GLRA1: variants seen among roughly 807,000 people sequenced by gnomAD.
GLRA1 encodes the protein glycine receptor subunit alpha-1.
GLRA1 carries 37 observed loss-of-function variants against 48.3 expected under a neutral mutation model. The ratio of observed to expected loss-of-function variants is 0.77; its 90% confidence interval spans 0.59 to 1.01. The LOEUF is 1.01. Among genes scored for constraint, GLRA1 ranks in the 50% least tolerant of loss-of-function variants. The pLI, the probability that GLRA1 is intolerant of heterozygous loss-of-function variation, is 0.00. For missense variants in GLRA1, 427 were observed against 571.0 expected (o/e 0.75, Z 2.57); for synonymous variants, 196 against 210.7 (o/e 0.93, Z 0.60).
intron 1 of GLRA1, among the ~76,000 whole-genome samples, chr5:151,893,348 CTTT>C (rs1561575152): frequency 2.1e-5 from 3 of 143,810 alleles, no homozygotes; most frequent in East Asian, 4.0e-4. Flanking sequence ...TTCTTTCTTT[CTTT>C]CTTTCTTTCA....
At chr5:151,898,862 C>T (rs1037708195) in intron 1 of GLRA1, among the ~76,000 whole-genome samples, 2 of 152,104 alleles carry the variant, frequency 1.3e-5, no homozygotes, top group Non-Finnish European at 1.5e-5. Context: ...TGAGAAGTCT[C>T]CAAGAGGCTT....
chr5:151,920,899 C>T (rs1304882441), intron 1 of GLRA1, among the ~76,000 whole-genome samples: 3 of 152,302 alleles, frequency 2.0e-5, no homozygotes, highest in Middle Eastern at 3.4e-3. Flanking sequence ...GGAGAAGCCA[C>T]AGGGGCCACC....
chr5:151,849,874 T>C (rs991161553), intron 7 of GLRA1: 2 of 1,457,756 alleles, frequency 1.4e-6, no homozygotes, highest in Admixed American at 2.4e-5. Context: ...ATGGCTCTAG[T>C]ATTTTACAGT....
intron 7 of GLRA1, among the ~76,000 whole-genome samples, chr5:151,834,691 TTTG>T (rs1763520422): frequency 6.6e-6 from 1 of 151,684 alleles, no homozygotes; most frequent in South Asian, 2.1e-4. Flanking sequence ...CCAGGGCTGG[TTTG>T]TTGAAGATTA....
chr5:151,867,816 T>C (rs1753375446), intron 3 of GLRA1, among the ~76,000 whole-genome samples: 1 of 152,208 alleles, frequency 6.6e-6, no homozygotes, highest in Non-Finnish European at 1.5e-5. Context: ...AATGAATTAA[T>C]TTGACTGTGG....
At chr5:151,879,428 C>T (rs1172707040) in intron 3 of GLRA1, among the ~76,000 whole-genome samples, 1 of 151,950 alleles carries the variant, frequency 6.6e-6, no homozygotes, top group African/African-American at 2.4e-5. Flanking sequence ...CATCTCGGCT[C>T]ACTGCAACTT....
At chr5:151,846,249 G>A (rs186886051) in intron 7 of GLRA1, among the ~76,000 whole-genome samples, 2 of 152,246 alleles carry the variant, frequency 1.3e-5, no homozygotes, top group East Asian at 3.9e-4. Flanking sequence ...GAAGGGGAAG[G>A]TGGAGTTGAG....
At chr5:151,832,765 C>G (rs1270526018) in intron 7 of GLRA1, among the ~76,000 whole-genome samples, 2 of 152,162 alleles carry the variant, frequency 1.3e-5, no homozygotes, top group African/African-American at 4.8e-5. Context: ...CCTAGCAAGA[C>G]AGGCCAATAT....
intron 7 of GLRA1, among the ~76,000 whole-genome samples, chr5:151,849,241 CCTT>C (rs1270964347): frequency 0.012 from 1,175 of 94,498 alleles, 78 homozygotes; most frequent in African/African-American, 0.049. Context: ...TTCCTTCCTT[CCTT>C]CCTTCCCTTC....
chr5:151,831,159 A>G (rs1160612811), intron 7 of GLRA1, among the ~76,000 whole-genome samples: 1 of 152,218 alleles, frequency 6.6e-6, no homozygotes, highest in African/African-American at 2.4e-5. Flanking sequence ...ACCCGCAGAA[A>G]AGGAGATTCC....
chr5:151,831,268 C>T (rs945519629), intron 7 of GLRA1, among the ~76,000 whole-genome samples: 1 of 152,170 alleles, frequency 6.6e-6, no homozygotes, highest in African/African-American at 2.4e-5. Context: ...TTTTTCATAC[C>T]CCAGTGGCAC....
In GLRA1 at chr5:151,897,833, G is replaced by A. The variant is rs558468265; in HGVS notation, c.57-5395C>T. ...ATGGATGTAGGTGAGTTTGTGTGAT[G>A]TGAGTAGGTTTCTAGGTATGATGTA... On this transcript the variant is annotated intron_variant, in intron 1 of 8. Coordinates refer to ENST00000274576, the MANE Select transcript of GLRA1 (RefSeq NM_000171.4). Among the ~76,000 whole-genome samples the A allele has an allele frequency of 1.9e-4, 29 of 152,328 alleles. No individual in the cohort carries two copies. The South Asian group carries it at 5.8e-3, about 30-fold the overall frequency.
chr5:151,857,925 T>C (rs1029913734), intron 4 of GLRA1, among the ~76,000 whole-genome samples: 12 of 152,280 alleles, frequency 7.9e-5, no homozygotes, highest in Middle Eastern at 3.4e-3. Context: ...GAGGGATAGG[T>C]TGAGAGTCAT....
At chr5:151,864,626 T>C (rs928302847) in intron 3 of GLRA1, among the ~76,000 whole-genome samples, 1 of 152,228 alleles carries the variant, frequency 6.6e-6, no homozygotes, top group Non-Finnish European at 1.5e-5. Context: ...CCTTCTCAGC[T>C]TAAGGCTTAT....
intron 2 of GLRA1, among the ~76,000 whole-genome samples, chr5:151,890,401 G>A (rs138063902): frequency 3.3e-5 from 5 of 152,314 alleles, no homozygotes; most frequent in African/African-American, 1.2e-4. Flanking sequence ...CTCCACTCAG[G>A]ATGGAGTTCT....
chr5:151,922,227 C>A (rs1044295117), intron 1 of GLRA1, among the ~76,000 whole-genome samples: 1 of 152,158 alleles, frequency 6.6e-6, no homozygotes, highest in Non-Finnish European at 1.5e-5. Context: ...TCACATGGAA[C>A]CTGCTAGAGA....
intron 3 of GLRA1, among the ~76,000 whole-genome samples, chr5:151,878,532 G>T (rs1478992511): frequency 6.6e-6 from 1 of 152,156 alleles, no homozygotes; most frequent in Non-Finnish European, 1.5e-5. Context: ...CATGTCAGAG[G>T]TCTTCACAGC....
chr5:151,900,319 G>A (rs112099746), intron 1 of GLRA1, among the ~76,000 whole-genome samples: 4 of 152,212 alleles, frequency 2.6e-5, no homozygotes, highest in African/African-American at 7.2e-5. Context: ...CCTAAATCCC[G>A]GAGCTTGGTC....
At chr5:151,881,963 G>T (rs942573969) in intron 3 of GLRA1, among the ~76,000 whole-genome samples, 6 of 152,156 alleles carry the variant, frequency 3.9e-5, no homozygotes, top group African/African-American at 1.4e-4. Flanking sequence ...TTGGACCCAT[G>T]GTGCACAACT....
Sources: allele counts gnomAD v4.1 joint callset (sites outside exome capture counted in the v4.1 genomes callset), GRCh38; gene constraint gnomAD v4.1.1; transcripts MANE v1.5; gene names NCBI Gene and HGNC (gene_info 2026-07-23, HGNC 2026-07-21).